The following NT5C1B variants were observed in gnomAD, a reference collection of about 807,000 sequenced individuals.
NT5C1B encodes 5'-nucleotidase, cytosolic IB.
NT5C1B carries 44 observed loss-of-function variants against 57.8 expected under a neutral mutation model. The observed-to-expected ratio is 0.76, with a 90% CI of 0.60 to 0.98. The LOEUF is 0.98. Among genes scored for constraint, NT5C1B ranks in the 50% least tolerant of loss-of-function variants. The pLI is 0.00. For missense variants in NT5C1B, 742 were observed against 719.5 expected, an observed-to-expected ratio of 1.03 and a Z score of -0.36; for synonymous variants, 284 against 282.6, an observed-to-expected ratio of 1.00 and a Z score of -0.05.
rs180898034 is a variant in NT5C1B at position 18,587,254 on chromosome 2, C to A, written c.120+249G>T. The A allele has an allele frequency of 1.7e-3, 2,569 of 1,514,578 alleles. 4 individuals carry two copies. The highest frequency in any genetic ancestry group is 2.3e-3 in the South Asian group (178 of 77,508). 93.8% of individuals were successfully genotyped at this position (1,514,578 alleles called of 1,614,324 possible). On this transcript the variant is annotated intron_variant, in intron 2 of 8. Coordinates refer to ENST00000304081, the Ensembl canonical transcript of NT5C1B. ...GATTTGAACAAAGACCAGTCTCCCC[C>A]CTGTGTAGGCTGAGCAGAGGAGCCT...
Position 18,584,153 on chromosome 2 carries a change from T to G in NT5C1B, c.826A>C (p.Met276Leu). 6.2e-7 allele frequency: 1 copy of G among 1,614,166 alleles called. No homozygotes were observed. Among genetic ancestry groups the G allele is most frequent in the Non-Finnish European group, 8.5e-7 (1 of 1,180,040 alleles). ...TTCTCATTGGTGAGCTGATACTCCA[T>G]GTACTTTTCCAGACCCTCTTGCTCG... is the stretch of plus-strand genomic sequence containing the variant. The change falls in exon 5 of 9, where the codon ATG becomes CTG. Residue 276 changes from methionine to leucine, a missense_variant. Met to Leu is a conservative substitution (Grantham distance 15). Transcript: ENST00000304081. This position sits in a 1 kb window ranked among gnomAD's most constrained non-coding sequence, Gnocchi z 5.8.
Position 18,584,844 on chromosome 2 carries a change from C to G in NT5C1B, c.393G>C (p.Ser131=), listed in dbSNP as rs1055314799. Reference sequence around the variant, plus strand: ...CGGGCTCTGGGGGCGTGGGAGGCCGCGAGTCCAGCGACCGGGGCAGCTGGG... The same window carrying G: ...CGGGCTCTGGGGGCGTGGGAGGCCGGGAGTCCAGCGACCGGGGCAGCTGGG... Residue 131 remains serine (S), a synonymous_variant, in exon 4 of 9, where the codon TCG becomes TCC. Coordinates refer to ENST00000304081, the Ensembl canonical transcript of NT5C1B. This position sits in a 1 kb window ranked among gnomAD's most constrained non-coding sequence, Gnocchi z 5.8. 1 of 1,608,890 alleles carries G rather than the reference C, an allele frequency of 6.2e-7. No homozygotes were observed. The highest frequency in any genetic ancestry group is 8.5e-7 in the Non-Finnish European group (1 of 1,178,442).
chr2:18,568,250 C>T (rs1178535662), intron 8 of NT5C1B, among the ~76,000 whole-genome samples: 1 of 152,052 alleles, frequency 6.6e-6, no homozygotes, highest in Non-Finnish European at 1.5e-5. Context: ...AAAATCTATA[C>T]AAATGAGAAG....
rs1236314427 is a variant in NT5C1B, at chr2:18,584,812, C to T, written c.425G>A (p.Gly142Asp). The T allele has an allele frequency of 1.2e-6, 2 of 1,612,776 alleles. No individual in the cohort carries two copies. Among genetic ancestry groups the T allele is most frequent in the Admixed American group, 1.7e-5 (1 of 59,958 alleles). The change falls in exon 4 of 9, where the codon GGC becomes GAC. Residue 142 changes from glycine to aspartate, a missense_variant. Physicochemically the swap from Gly to Asp is moderately conservative, Grantham distance 94. Coordinates refer to ENST00000304081, the Ensembl canonical transcript of NT5C1B. The surrounding 1 kb of genome is among the most constrained non-coding windows in gnomAD (Gnocchi z 5.8). ...TTGCATTTTGGTGCTGCGCCGGGAG[C>T]CAGGATCGGGCTCTGGGGGCGTGGG...
At chr2:18,589,184 A>T (rs112281751) in intron 1 of NT5C1B, among the ~76,000 whole-genome samples, 2 of 152,326 alleles carry the variant, frequency 1.3e-5, no homozygotes, top group South Asian at 4.1e-4. Flanking sequence ...ATGAATACTG[A>T]CTTATTGGAA....
Position 18,581,557 on chromosome 2 carries a change from C to T in NT5C1B, c.1021+1311G>A, listed in dbSNP as rs191270449. On this transcript the variant is annotated intron_variant, in intron 6 of 8. Transcript: ENST00000304081. ...AGAGTAGGTCAGGTCCATTAACTGT[C>T]TTGGTGGAAGTATCTGCTTTGGTAT... Among the ~76,000 whole-genome samples the T allele has an allele frequency of 3.3e-5, 5 of 151,962 alleles. No homozygotes were observed. In the East Asian group the frequency reaches 7.8e-4, roughly 24 times the overall value.
Position 18,589,433 on chromosome 2 carries a change from A to G in NT5C1B, c.30+6T>C, listed in dbSNP as rs1298069804. ...GGCAAGATTCTAAGACACTCGGTTC[A>G]CTCACCTTTTTCTGTTTGAGAGATG... On this transcript the variant is annotated splice_donor_region_variant and intron_variant, in intron 1 of 8. Transcript: ENST00000304081. 1.2e-6 allele frequency: 2 copies of G among 1,614,016 alleles called. No homozygotes were observed. Among genetic ancestry groups the G allele is most frequent in the Non-Finnish European group, 1.7e-6 (2 of 1,179,974 alleles).
intron 8 of NT5C1B, among the ~76,000 whole-genome samples, chr2:18,574,759 A>G (rs1665522775): frequency 6.6e-6 from 1 of 152,114 alleles, no homozygotes; most frequent in South Asian, 2.1e-4. Flanking sequence ...CCTATAGTTA[A>G]CAATATGGTA....
At chr2:18,588,115 T>A (rs1319368323) in intron 1 of NT5C1B, among the ~76,000 whole-genome samples, 1 of 152,220 alleles carries the variant, frequency 6.6e-6, no homozygotes, top group East Asian at 1.9e-4. Context: ...CTTCTGTTCC[T>A]ATCATTTAAT....
At chr2:18,587,182 T>C (rs1666793885) in intron 2 of NT5C1B, 1 of 1,610,242 alleles carries the variant, frequency 6.2e-7, no homozygotes, top group Non-Finnish European at 8.5e-7. Context: ...ATCTGAAAGA[T>C]TGTGCAGAAA....
rs772078105 is a variant in NT5C1B, at chr2:18,586,915, TTTC to T, written c.121-527_121-525del. On this transcript the variant is annotated intron_variant, in intron 2 of 8. Coordinates refer to ENST00000304081, the Ensembl canonical transcript of NT5C1B. Reference sequence around the variant, plus strand: ...CCCCCGGAACAGCAAAGTAAAAGAGTTTCTATTTGCCATATTCTTCCCCTCACC... The same window carrying T: ...CCCCCGGAACAGCAAAGTAAAAGAGTTATTTGCCATATTCTTCCCCTCACC... The T allele has an allele frequency of 1.3e-4, 202 of 1,602,956 alleles. 1 individual carries two copies. The African/African-American group carries it at 1.5e-3, about 12-fold the overall frequency.
rs865919566 is a variant in NT5C1B at position 18,584,065 on chromosome 2, G to A, written c.891+23C>T. ...CCCTCGCCATCGAGTGTCCTGGCGG[G>A]CCAAAGACAGCTTGCAGAATACCTT... On this transcript the variant is annotated intron_variant, in intron 5 of 8. Coordinates refer to ENST00000304081, the Ensembl canonical transcript of NT5C1B. This position sits in a 1 kb window ranked among gnomAD's most constrained non-coding sequence, Gnocchi z 5.8. 1 of 1,614,196 alleles carries A rather than the reference G, an allele frequency of 6.2e-7. No individual in the cohort carries two copies. Among genetic ancestry groups the A allele is most frequent in the Non-Finnish European group, 8.5e-7 (1 of 1,180,032 alleles).
intron 8 of NT5C1B, among the ~76,000 whole-genome samples, chr2:18,564,821 T>G (rs1204737527): frequency 6.6e-6 from 1 of 152,198 alleles, no homozygotes; most frequent in Admixed American, 6.5e-5. Context: ...ATAATCTGTG[T>G]CTTTCTTCTT....
At chr2:18,579,536 G>A (rs377472920) in intron 6 of NT5C1B, among the ~76,000 whole-genome samples, 2 of 152,118 alleles carry the variant, frequency 1.3e-5, no homozygotes, top group African/African-American at 2.4e-5. Context: ...ACATGCAATG[G>A]GGAAAGGACT....
intron 7 of NT5C1B, 31 bp downstream of exon 7, chr2:18,576,742 A>G (rs1413002908): frequency 6.2e-7 from 1 of 1,611,140 alleles, no homozygotes; most frequent in Admixed American, 1.7e-5. Context: ...AAACCTCTTT[A>G]TTAACTAGAG....
In NT5C1B at chr2:18,576,698, A is replaced by G. The variant is rs1665708229; in HGVS notation, c.1144+75T>C. ...CAACAAGACCATAAGCCTCATAATC[A>G]TATGCGAAACTTAATGTAAGTCACC... On this transcript the variant is annotated intron_variant, in intron 7 of 8. Transcript: ENST00000304081. 6.9e-6 allele frequency: 11 copies of G among 1,584,166 alleles called. No individual in the cohort carries two copies. In the South Asian group the frequency reaches 9.3e-5, roughly 13 times the overall value.
rs751525056 is a variant in NT5C1B at position 18,587,027 on chromosome 2, C to A, written c.120+476G>T. 2.5e-6 allele frequency: 4 copies of A among 1,614,118 alleles called. No individual in the cohort carries two copies. The Admixed American group carries it at 6.7e-5, about 27-fold the overall frequency. ...TGGTGATCTGCTGGCCCTGCTCCCACAACAGGCACATGTGAATATAAATAC... is the reference window on the plus strand; with the variant it reads ...TGGTGATCTGCTGGCCCTGCTCCCAAAACAGGCACATGTGAATATAAATAC... On this transcript the variant is annotated intron_variant, in intron 2 of 8. Transcript: ENST00000304081.
chr2:18,576,843 A>G, exon 7 of NT5C1B: 2 of 1,613,946 alleles, frequency 1.2e-6, no homozygotes, highest in South Asian at 2.2e-5. Context: ...ATGCCTTCAA[A>G]TAGCCAATGG....
rs905799207 is a variant in NT5C1B at position 18,581,436 on chromosome 2, GT to G, written c.1021+1431del. Among the ~76,000 whole-genome samples the G allele has an allele frequency of 3.4e-3, 507 of 148,372 alleles. 4 individuals are homozygous for G. The highest frequency in any genetic ancestry group is 0.011 in the African/African-American group (436 of 40,610). ...TATTCATATGATAAAATATTCAGAG[GT>G]TTTTTTTTTAGATATATGATAAACT... On this transcript the variant is annotated intron_variant, in intron 6 of 8. Coordinates refer to ENST00000304081, the Ensembl canonical transcript of NT5C1B.
Sources: allele counts gnomAD v4.1 joint callset (sites outside exome capture counted in the v4.1 genomes callset), GRCh38; gene constraint gnomAD v4.1.1; non-coding constraint Gnocchi (gnomAD v3.1); transcripts MANE v1.5; gene names NCBI Gene and HGNC (gene_info 2026-07-23, HGNC 2026-07-21).